The following GCNT3 variants were observed in gnomAD, a reference collection of about 807,000 sequenced individuals.
GCNT3 encodes glucosaminyl (N-acetyl) transferase 3, mucin type, also known as beta-1,3-galactosyl-O-glycosyl-glycoprotein beta-1,6-N-acetylglucosaminyltransferase 3.
For synonymous variants in GCNT3, 269 were observed against 195.2 expected (o/e 1.38, Z -3.15); for missense variants, 708 against 530.3 (o/e 1.34, Z -3.29).
intron 1 of GCNT3, among the ~76,000 whole-genome samples, chr15:59,612,997 GT>G (rs1163405522): frequency 4.6e-5 from 7 of 151,856 alleles, no homozygotes; most frequent in Admixed American, 2.0e-4. Context: ...ACCACCTTGA[GT>G]TATTTTGTCA....
Position 59,617,170 on chromosome 15 carries a change from C to CTTTTTTTTTTTTTTTTTTTTTTT in GCNT3, c.-61+292_-61+293insTTTTTTTTTTTTTTTTTTTTTTT, listed in dbSNP as rs373439386. Among the ~76,000 whole-genome samples, 9 of 82,346 alleles carry CTTTTTTTTTTTTTTTTTTTTTTT rather than the reference C, an allele frequency of 1.1e-4. 1 individual carries two copies. Among genetic ancestry groups the CTTTTTTTTTTTTTTTTTTTTTTT allele is most frequent in the African/African-American group, 1.8e-4 (4 of 21,638 alleles). The allele number at this position is 82,346 out of a possible 152,430, so 54.0% of individuals were successfully genotyped here. ...TTTTTCTTTATTTTTCTTTTGTTTTCTTTCTTTCTTTTTTTTTTTTTAAAG... is the reference window on the plus strand; with the variant it reads ...TTTTTCTTTATTTTTCTTTTGTTTTCTTTTTTTTTTTTTTTTTTTTTTTTTTCTTTCTTTTTTTTTTTTTAAAG... On this transcript the variant is annotated intron_variant, in intron 2 of 2. Transcript: ENST00000396065.
At chr15:59,613,780 C>A (rs576157767) in intron 1 of GCNT3, among the ~76,000 whole-genome samples, 6 of 151,830 alleles carry the variant, frequency 4.0e-5, no homozygotes, top group Non-Finnish European at 7.4e-5. Context: ...ATTTTTAATC[C>A]CAGCACTTTG....
intron 1 of GCNT3, among the ~76,000 whole-genome samples, chr15:59,614,846 G>T (rs1390620288): frequency 1.3e-5 from 2 of 152,170 alleles, no homozygotes; most frequent in South Asian, 2.1e-4. Context: ...AGTTGCTCTG[G>T]TTCAAGCACC....
rs371729046 is a variant in GCNT3 at position 59,621,299 on chromosome 15, A to G, written c.*1744A>G. On this transcript the variant is annotated 3_prime_UTR_variant, in exon 3 of 3. Transcript: ENST00000396065. ...CAATAAGGTATGTGTAAATACATAT[A>G]TGTGTGTGTATGTATACACACATAC... The G allele has an allele frequency of 6.6e-6, 1 of 152,056 alleles. No individual in the cohort carries two copies. The highest frequency in any genetic ancestry group is 2.4e-5 in the African/African-American group (1 of 41,392). The allele number at this position is 152,056 out of a possible 1,614,324, so 9.4% of individuals were successfully genotyped here. A position where few individuals can be genotyped will look rare whatever the true frequency, so the allele number is the denominator to read the frequency against.
Position 59,618,857 on chromosome 15 carries a change from C to T in GCNT3, c.619C>T (p.Leu207Phe), listed in dbSNP as rs757048580. Residue 207 changes from leucine to phenylalanine, a missense_variant, in exon 3 of 3, where the codon CTC (leucine) becomes TTC (phenylalanine). Physicochemically the swap from Leu to Phe is conservative, Grantham distance 22. Coordinates refer to ENST00000396065, the MANE Select transcript of GCNT3 (RefSeq NM_004751.3). ...CTCCTGGTCCAGGGTGCAAGCTGAC[C>T]TCAACTGCATGGAAGACTTGCTCCA... Reference protein sequence around the residue: ...YASWSRVQADLNCMEDLLQSS... With the variant: ...YASWSRVQADFNCMEDLLQSS... The T allele has an allele frequency of 1.3e-5, 21 of 1,614,022 alleles. No individual in the cohort carries two copies. The highest frequency in any genetic ancestry group is 1.8e-5 in the Non-Finnish European group (21 of 1,180,030).
chr15:59,618,825 T>C lies in GCNT3; in HGVS notation c.587T>C (p.Val196Ala), dbSNP rs749690262. 1.2e-6 allele frequency: 2 copies of C among 1,614,106 alleles called. No individual in the cohort carries two copies. Among genetic ancestry groups the C allele is most frequent in the East Asian group, 2.2e-5 (1 of 44,882 alleles). The change falls in exon 3 of 3, where the codon GTT (valine) becomes GCT (alanine). Residue 196 changes from valine (V) to alanine (A), a missense_variant. Coordinates refer to ENST00000396065, the MANE Select transcript of GCNT3 (RefSeq NM_004751.3). Reference sequence around the variant, plus strand: ...ATAGCCAGTAAGCTGGTTCGGGTGGTTTATGCCTCCTGGTCCAGGGTGCAA... The same window carrying C: ...ATAGCCAGTAAGCTGGTTCGGGTGGCTTATGCCTCCTGGTCCAGGGTGCAA... ...VFIASKLVRV[V>A]YASWSRVQAD...
intron 1 of GCNT3, among the ~76,000 whole-genome samples, chr15:59,612,640 C>G (rs1445593540): frequency 6.6e-6 from 1 of 152,186 alleles, no homozygotes; most frequent in Non-Finnish European, 1.5e-5. Context: ...GGACTGCGCC[C>G]TTTCTCCCTC....
At chr15:59,617,933 G>GT (rs2082727170) in intron 2 of GCNT3, 1 of 226,100 alleles carries the variant, frequency 4.4e-6, no homozygotes, top group Admixed American at 5.1e-5. Context: ...ATGGCAGCAG[G>GT]TGCTCAGTTG....
rs1015613144 is a variant in GCNT3, at chr15:59,622,527, G to C, written c.*2972G>C. The stretch of plus-strand genomic sequence containing the variant: ...GATCGATCACGGCCTCCCCCTGCTG[G>C]CTGATGTGATGGTCCTTGGTCCTCC... On this transcript the variant is annotated 3_prime_UTR_variant, in exon 3 of 3. Transcript: ENST00000396065. 6 of 152,090 alleles carry C rather than the reference G, an allele frequency of 3.9e-5. No individual in the cohort carries two copies. The highest frequency in any genetic ancestry group is 1.5e-4 in the African/African-American group (6 of 41,376). The allele number at this position is 152,090 out of a possible 1,614,324, so 9.4% of individuals were successfully genotyped here.
rs1175064536 is a variant in GCNT3 at position 59,616,739 on chromosome 15, C to T, written c.-203C>T. 1 of 152,192 alleles carries T rather than the reference C, an allele frequency of 6.6e-6. No individual in the cohort carries two copies. Among genetic ancestry groups the T allele is most frequent in the African/African-American group, 2.4e-5 (1 of 41,444 alleles). 9.4% of individuals were successfully genotyped at this position (152,192 alleles called of 1,614,324 possible). ...TGTTCCTTGGACATCTTATGAATGT[C>T]AGAAAATACCTTTTGGAGGGTTAGA... is the stretch of plus-strand genomic sequence containing the variant. On this transcript the variant is annotated 5_prime_UTR_variant, in exon 2 of 3. Coordinates refer to ENST00000396065, the MANE Select transcript of GCNT3 (RefSeq NM_004751.3).
At chr15:59,617,134 A>G (rs1158680455) in intron 2 of GCNT3, among the ~76,000 whole-genome samples, 2 of 139,610 alleles carry the variant, frequency 1.4e-5, no homozygotes, top group Admixed American at 7.1e-5. Flanking sequence ...TAGGATTTCA[A>G]TGTACAATGT....
rs1247095733 is a variant in GCNT3 at position 59,619,425 on chromosome 15, G to T, written c.1187G>T (p.Gly396Val). The part of the protein sequence containing the change: ...HQRAICVYGA[G>V]DLNWMLQNHH... ...CGGGCTATCTGCGTTTATGGGGCTG[G>T]GGACTTGAATTGGATGCTTCAAAAC... is the stretch of plus-strand genomic sequence containing the variant. Residue 396 changes from glycine (G) to valine (V), a missense_variant, in exon 3 of 3, where the codon GGG (glycine) becomes GTG (valine). Gly to Val is a moderately radical substitution (Grantham distance 109). Transcript: ENST00000396065. 1 of 1,614,000 alleles carries T rather than the reference G, an allele frequency of 6.2e-7. No homozygotes were observed. Among genetic ancestry groups the T allele is most frequent in the African/African-American group, 1.3e-5 (1 of 74,910 alleles).
intron 1 of GCNT3, among the ~76,000 whole-genome samples, chr15:59,612,982 T>A (rs1275843591): frequency 6.6e-6 from 1 of 151,958 alleles, no homozygotes; most frequent in Non-Finnish European, 1.5e-5. Flanking sequence ...GGAATGCTAC[T>A]TGTAACCACC....
intron 2 of GCNT3, among the ~76,000 whole-genome samples, chr15:59,617,165 G>GTTTT (rs2082723241): frequency 1.6e-5 from 1 of 60,716 alleles, no homozygotes; most frequent in African/African-American, 6.1e-5. Context: ...TTTTTCTTTT[G>GTTTT]TTTTCTTTCT....
chr15:59,621,586 A>ATTTTCTTTT lies in GCNT3; in HGVS notation c.*2035_*2036insCTTTTTTTT. ...TCATTAATATGTTTCTTCCTTTCTG[A>ATTTTCTTTT]TTTTTGTTTTTTTTTTTTTTTTTGA... On this transcript the variant is annotated 3_prime_UTR_variant, in exon 3 of 3. Coordinates refer to ENST00000396065, the MANE Select transcript of GCNT3 (RefSeq NM_004751.3). 1.1e-5 allele frequency: 1 copy of ATTTTCTTTT among 90,846 alleles called. No individual in the cohort carries two copies. 5.6% of individuals were successfully genotyped at this position (90,846 alleles called of 1,614,324 possible).
Position 59,620,629 on chromosome 15 carries a change from A to C in GCNT3, c.*1074A>C. 6.0e-6 allele frequency: 1 copy of C among 167,198 alleles called. No homozygotes were observed. The allele number at this position is 167,198 out of a possible 1,614,324, so 10.4% of individuals were successfully genotyped here. ...CACCTTTCCTGTACTCTTACAGGAA[A>C]ATCGCAGCACTAATTCTAATTTTGT... On this transcript the variant is annotated 3_prime_UTR_variant, in exon 3 of 3. Transcript: ENST00000396065.
In GCNT3 at chr15:59,618,369, C is replaced by T; in HGVS notation, c.131C>T (p.Ser44Phe). The stretch of plus-strand genomic sequence containing the variant: ...GACTCTGACCACTTGGGTCTGGAGT[C>T]CAGGGAATCTCAAAGCCAGTACTGT... ...KCDSDHLGLESRESQSQYCRN... is the reference protein window; with the variant it reads ...KCDSDHLGLEFRESQSQYCRN... The change falls in exon 3 of 3, where the codon TCC becomes TTC. Residue 44 changes from serine (S) to phenylalanine (F), a missense_variant. Physicochemically the swap from Ser to Phe is radical, Grantham distance 155. Coordinates refer to ENST00000396065, the MANE Select transcript of GCNT3 (RefSeq NM_004751.3). 6.2e-7 allele frequency: 1 copy of T among 1,613,942 alleles called. No individual in the cohort carries two copies. Among genetic ancestry groups the T allele is most frequent in the Non-Finnish European group, 8.5e-7 (1 of 1,179,896 alleles).
Position 59,613,288 on chromosome 15 carries a change from AT to A in GCNT3, c.-251+1309del, listed in dbSNP as rs1440619860. Among the ~76,000 whole-genome samples the A allele has an allele frequency of 1.3e-5, 2 of 152,058 alleles. 1 individual carries two copies. Among genetic ancestry groups the A allele is most frequent in the Non-Finnish European group, 2.9e-5 (2 of 68,022 alleles). Reference sequence around the variant, plus strand: ...TGGGCTGAGTCCCACGCTGGGCTTTATTACTAGGTACTTGACGTTACTATAA... The same window carrying A: ...TGGGCTGAGTCCCACGCTGGGCTTTATACTAGGTACTTGACGTTACTATAA... On this transcript the variant is annotated intron_variant, in intron 1 of 2. Transcript: ENST00000396065.
chr15:59,613,297 T>C (rs1457395315), intron 1 of GCNT3, among the ~76,000 whole-genome samples: 1 of 152,064 alleles, frequency 6.6e-6, no homozygotes, highest in Non-Finnish European at 1.5e-5. Context: ...TATTACTAGG[T>C]ACTTGACGTT....
Sources: gnomAD v4.1 joint callset for allele counts (sites outside exome capture counted in the v4.1 genomes callset) on GRCh38, gnomAD v4.1.1 for gene constraint, MANE v1.5 for transcripts, NCBI Gene and HGNC (gene_info 2026-07-23, HGNC 2026-07-21) for gene names.